Variants in PITPNC1 observed in about 807,000 individuals in gnomAD.
The protein encoded by PITPNC1 is phosphatidylinositol transfer protein cytoplasmic 1, also known as cytoplasmic phosphatidylinositol transfer protein 1.
In PITPNC1, 18 loss-of-function variants were observed where a neutral mutation model predicts 44.7. The ratio of observed to expected loss-of-function variants is 0.40; its 90% CI spans 0.28 to 0.60. The LOEUF (loss-of-function observed/expected upper bound fraction) is 0.60. Among genes scored for constraint, PITPNC1 ranks in the 20% least tolerant of loss-of-function variants. PITPNC1 has a pLI of 0.39. For synonymous variants in PITPNC1, 141 were observed against 149.6 expected (o/e 0.94, Z 0.42); for missense variants, 290 against 418.4 (o/e 0.69, Z 2.68).
chr17:67,481,172 A>C (rs1457084362), intron 1 of PITPNC1, among the ~76,000 whole-genome samples: 1 of 152,212 alleles, frequency 6.6e-6, no homozygotes, highest in Non-Finnish European at 1.5e-5. Context: ...GTGCCACTGC[A>C]CCTCCAGCCT....
chr17:67,455,570 C>A (rs1049508261), intron 1 of PITPNC1, among the ~76,000 whole-genome samples: 22 of 151,964 alleles, frequency 1.4e-4, no homozygotes, highest in African/African-American at 5.3e-4. Flanking sequence ...CAGGTGCGCA[C>A]CACCATGCCC....
chr17:67,472,758 G>A (rs2039561523), intron 1 of PITPNC1, among the ~76,000 whole-genome samples: 1 of 152,164 alleles, frequency 6.6e-6, no homozygotes, highest in East Asian at 1.9e-4. Flanking sequence ...GGTTGGACAA[G>A]CTTACCGTCT....
chr17:67,442,204 C>CATATATATAT lies in PITPNC1; in HGVS notation c.48+64037_48+64046dup, dbSNP rs10526037. Among the ~76,000 whole-genome samples the CATATATATAT allele has an allele frequency of 2.3e-3, 125 of 54,202 alleles. 5 individuals carry two copies. Among genetic ancestry groups the CATATATATAT allele is most frequent in the South Asian group, 4.1e-3 (4 of 968 alleles). The allele number at this position is 54,202 out of a possible 152,430, so 35.6% of individuals were successfully genotyped here. The stretch of plus-strand genomic sequence containing the variant: ...TGGAGCTGGATCAGGGGAAAATAAG[C>CATATATATAT]ATATATATATATATATATATATATA... On this transcript the variant is annotated intron_variant, in intron 1 of 8. Coordinates refer to ENST00000581322, the MANE Select transcript of PITPNC1 (RefSeq NM_012417.4).
chr17:67,532,909 T>C lies in PITPNC1; in HGVS notation c.156T>C (p.His52=), dbSNP rs776259311. 2.5e-6 allele frequency: 4 copies of C among 1,610,860 alleles called. No individual in the cohort carries two copies. In the African/African-American group the frequency reaches 4.0e-5, roughly 16 times the overall value. Reference sequence around the variant, plus strand: ...ATGAGCCCTTTGAGGACCCTCACCATGGCAATGGGCAGTTCACCGAGAAGC... The same window carrying C: ...ATGAGCCCTTTGAGGACCCTCACCACGGCAATGGGCAGTTCACCGAGAAGC... ...VQNEPFEDPH[H]GNGQFTEKRV... Residue 52 remains histidine, a synonymous_variant, in exon 2 of 9, where the codon CAT becomes CAC. Transcript: ENST00000581322.
At chr17:67,647,359 C>T (rs1046453174) in intron 6 of PITPNC1, among the ~76,000 whole-genome samples, 23 of 151,838 alleles carry the variant, frequency 1.5e-4, no homozygotes, top group Admixed American at 7.9e-4. Flanking sequence ...GGCACCATCA[C>T]GACCCACTGC....
chr17:67,524,010 C>T (rs2040363741), intron 1 of PITPNC1, among the ~76,000 whole-genome samples: 1 of 151,938 alleles, frequency 6.6e-6, no homozygotes, highest in Admixed American at 6.6e-5. Flanking sequence ...TGGGGTTTCA[C>T]CATCTTGGCC....
intron 1 of PITPNC1, 33 bp from the exon 2 acceptor site, chr17:67,532,769 G>T: frequency 6.5e-7 from 1 of 1,535,792 alleles, no homozygotes; most frequent in South Asian, 1.2e-5. Flanking sequence ...ACGCTGTGGG[G>T]CTGACCTTTC....
intron 5 of PITPNC1, among the ~76,000 whole-genome samples, chr17:67,604,856 G>C: frequency 6.6e-6 from 1 of 152,050 alleles, no homozygotes; most frequent in East Asian, 1.9e-4. Flanking sequence ...GAGGCGGACG[G>C]ATCACCTGAG....
chr17:67,627,991 A>G (rs1234043549), intron 5 of PITPNC1, among the ~76,000 whole-genome samples: 1 of 150,410 alleles, frequency 6.6e-6, no homozygotes, highest in Non-Finnish European at 1.5e-5. Context: ...CAGTGGCACA[A>G]TCTCGGCTCA....
At chr17:67,489,498 G>A (rs1273194004) in intron 1 of PITPNC1, among the ~76,000 whole-genome samples, 1 of 152,166 alleles carries the variant, frequency 6.6e-6, no homozygotes, top group African/African-American at 2.4e-5. Context: ...AATCAATGAT[G>A]TTTCATGTTA....
chr17:67,676,209 A>G lies in PITPNC1; in HGVS notation c.682+667A>G, dbSNP rs966102132. ...GGGACAGAGCGAGACTCCGTCTCGG[A>G]AAAAAAAAAAAAAGAAAGAAAGAAA... On this transcript the variant is annotated intron_variant, in intron 8 of 8. Transcript: ENST00000581322. This position sits in a 1 kb window ranked among gnomAD's most constrained non-coding sequence, Gnocchi z 4.0. Among the ~76,000 whole-genome samples the G allele has an allele frequency of 2.5e-4, 34 of 133,944 alleles. No homozygotes were observed. Among genetic ancestry groups the G allele is most frequent in the African/African-American group, 9.3e-4 (29 of 31,070 alleles). 87.9% of individuals were successfully genotyped at this position (133,944 alleles called of 152,430 possible). A position where few individuals can be genotyped will look rare whatever the true frequency, so the allele number is the denominator to read the frequency against.
At chr17:67,408,364 T>C (rs748941833) in intron 1 of PITPNC1, among the ~76,000 whole-genome samples, 1 of 149,170 alleles carries the variant, frequency 6.7e-6, no homozygotes, top group Non-Finnish European at 1.5e-5. Flanking sequence ...ACCCCGTCTC[T>C]ACTAAAAATA....
At chr17:67,491,951 G>A (rs1168518673) in intron 1 of PITPNC1, among the ~76,000 whole-genome samples, 1 of 151,836 alleles carries the variant, frequency 6.6e-6, no homozygotes, top group Admixed American at 6.6e-5. Context: ...AACTGTGCTG[G>A]CATTGTGCCA....
chr17:67,527,917 C>CTT (rs2040411320), intron 1 of PITPNC1, among the ~76,000 whole-genome samples: 1 of 152,192 alleles, frequency 6.6e-6, no homozygotes, highest in Non-Finnish European at 1.5e-5. Context: ...AGGAGGATTG[C>CTT]TTGAGCCCAG....
Position 67,581,542 on chromosome 17 carries a change from G to T in PITPNC1, c.366+3285G>T, listed in dbSNP as rs571124302. On this transcript the variant is annotated intron_variant, in intron 5 of 8. Coordinates refer to ENST00000581322, the MANE Select transcript of PITPNC1 (RefSeq NM_012417.4). ...TAAAGAGGCCCTAAATGTGTTTTTG[G>T]CCCAGTTGCCACCCCCTGCCCCCCA... is the stretch of plus-strand genomic sequence containing the variant. Among the ~76,000 whole-genome samples, 14 of 152,214 alleles carry T rather than the reference G, an allele frequency of 9.2e-5. No individual in the cohort carries two copies. In the South Asian group the frequency reaches 2.7e-3, roughly 29 times the overall value.
intron 4 of PITPNC1, among the ~76,000 whole-genome samples, chr17:67,561,021 C>T (rs2040899889): frequency 6.6e-6 from 1 of 152,122 alleles, no homozygotes; most frequent in South Asian, 2.1e-4. Context: ...CTGCAGTTTA[C>T]AAATGTCTGT....
At chr17:67,584,335 A>G (rs1161399899) in intron 5 of PITPNC1, among the ~76,000 whole-genome samples, 1 of 152,160 alleles carries the variant, frequency 6.6e-6, no homozygotes, top group Non-Finnish European at 1.5e-5. Context: ...AATGAAGAGA[A>G]TGTCCAGTTT....
intron 1 of PITPNC1, chr17:67,457,330 G>T (rs2039269355): frequency 6.6e-6 from 1 of 152,170 alleles, no homozygotes; most frequent in Non-Finnish European, 1.5e-5. Flanking sequence ...CTGTCTGATT[G>T]CTCTTCCTTT....
intron 1 of PITPNC1, among the ~76,000 whole-genome samples, chr17:67,433,695 A>C (rs548790515): frequency 2.2e-4 from 34 of 152,230 alleles, no homozygotes; most frequent in South Asian, 1.9e-3. Flanking sequence ...TGGATAGTAG[A>C]GTGAGACTCC....
Sources: allele counts gnomAD v4.1 joint callset (sites outside exome capture counted in the v4.1 genomes callset), GRCh38; gene constraint gnomAD v4.1.1; non-coding constraint Gnocchi (gnomAD v3.1); transcripts MANE v1.5; gene names NCBI Gene and HGNC (gene_info 2026-07-23, HGNC 2026-07-21).